EXOC4: variants seen among roughly 807,000 people sequenced by gnomAD.
EXOC4 encodes the protein SEC8-like 1.
Under a neutral mutation model 107.2 loss-of-function variants are expected in EXOC4, and 71 were observed. The observed-to-expected ratio is 0.66, with a 90% confidence interval of 0.55 to 0.81. EXOC4 has a LOEUF of 0.81. Among genes scored for constraint, EXOC4 ranks in the 30% least tolerant of loss-of-function variants. EXOC4 has a pLI of 0.00. For synonymous variants in EXOC4, 456 were observed against 441.2 expected (o/e 1.03, Z -0.42); for missense variants, 1,108 against 1,189.6 (o/e 0.93, Z 1.01).
intron 14 of EXOC4, among the ~76,000 whole-genome samples, chr7:133,987,215 C>G (rs1794135215): frequency 6.6e-6 from 1 of 152,022 alleles, no homozygotes; most frequent in Non-Finnish European, 1.5e-5. Flanking sequence ...AATCCCAGCA[C>G]TTTGGGAAGC....
At chr7:134,095,581 C>T in the EXOC4 span, among the ~76,000 whole-genome samples, 5,569 of 152,124 alleles carry the variant, frequency 0.037, 301 homozygotes, top group African/African-American at 0.12. Context: ...TACTATAAGG[C>T]TGCGGTCACA....
chr7:133,483,998 C>T (rs748988406), intron 9 of EXOC4: 5 of 1,611,194 alleles, frequency 3.1e-6, no homozygotes, highest in Non-Finnish European at 3.4e-6. Context: ...CTTTGCTTCC[C>T]AGTAATTTCG....
At chr7:133,354,580 A>T (rs1302894728) in intron 5 of EXOC4, among the ~76,000 whole-genome samples, 1 of 152,176 alleles carries the variant, frequency 6.6e-6, no homozygotes, top group Non-Finnish European at 1.5e-5. Context: ...TACTTCAGCA[A>T]GAGTAGGAGG....
chr7:133,541,863 G>T (rs868701999), intron 9 of EXOC4, among the ~76,000 whole-genome samples: 1 of 152,038 alleles, frequency 6.6e-6, no homozygotes, highest in Admixed American at 6.6e-5. Context: ...TGGGAAAGAA[G>T]TTTTCCCCAG....
intron 6 of EXOC4, 116 bp from the exon 7 acceptor site, chr7:133,374,712 A>T (rs910939345): frequency 2.5e-6 from 2 of 801,040 alleles, no homozygotes; most frequent in Non-Finnish European, 3.9e-6. Context: ...TCTAACGTTA[A>T]TGCTGTTTAC....
intron 7 of EXOC4, among the ~76,000 whole-genome samples, chr7:133,471,897 G>A (rs960879459): frequency 3.3e-5 from 5 of 152,172 alleles, no homozygotes; most frequent in Admixed American, 1.3e-4. Context: ...ATTGAATGAT[G>A]TAGAAAATGG....
At chr7:133,430,238 C>G (rs1345577981) in intron 7 of EXOC4, among the ~76,000 whole-genome samples, 3 of 152,226 alleles carry the variant, frequency 2.0e-5, no homozygotes, top group African/African-American at 7.2e-5. Context: ...GTTGCTTCTT[C>G]TCTTTTCTCC....
At chr7:133,287,715 G>A (rs1441508724) in intron 2 of EXOC4, among the ~76,000 whole-genome samples, 1 of 152,134 alleles carries the variant, frequency 6.6e-6, no homozygotes, top group African/African-American at 2.4e-5. Context: ...TCATGAAGTC[G>A]TAGGAAGGGA....
At chr7:133,497,936 G>C (rs1799509712) in intron 9 of EXOC4, among the ~76,000 whole-genome samples, 1 of 152,148 alleles carries the variant, frequency 6.6e-6, no homozygotes, top group African/African-American at 2.4e-5. Flanking sequence ...CTGTGTTACT[G>C]TGGGCTTTAT....
chr7:133,667,479 A>G (rs190396513), intron 10 of EXOC4, among the ~76,000 whole-genome samples: 78 of 152,332 alleles, frequency 5.1e-4, no homozygotes, highest in African/African-American at 1.8e-3. Flanking sequence ...GGATAGATAA[A>G]TAAGTTATGG....
intron 1 of EXOC4, among the ~76,000 whole-genome samples, chr7:133,264,836 A>G (rs961828099): frequency 5.9e-5 from 9 of 152,144 alleles, no homozygotes; most frequent in Non-Finnish European, 2.9e-5. Flanking sequence ...ATTCTTAACT[A>G]TCTCTTTTCC....
chr7:133,939,459 T>C (rs1800377982), intron 14 of EXOC4, among the ~76,000 whole-genome samples: 1 of 152,216 alleles, frequency 6.6e-6, no homozygotes, highest in Non-Finnish European at 1.5e-5. Context: ...AGGGAGATCA[T>C]AGAATCTGCA....
chr7:133,724,188 G>C (rs1795167767), intron 10 of EXOC4, among the ~76,000 whole-genome samples: 1 of 152,180 alleles, frequency 6.6e-6, no homozygotes, highest in South Asian at 2.1e-4. Context: ...TGCTAGGTCA[G>C]ATCTGGTTTT....
chr7:133,722,858 G>A (rs1795133192), intron 10 of EXOC4, among the ~76,000 whole-genome samples: 1 of 152,156 alleles, frequency 6.6e-6, no homozygotes, highest in South Asian at 2.1e-4. Flanking sequence ...TTGGATTATT[G>A]CCATGTGGAT....
At chr7:133,475,615 A>G in intron 8 of EXOC4, 142 bp downstream of exon 8, 1 of 731,760 alleles carries the variant, frequency 1.4e-6, no homozygotes, top group East Asian at 2.9e-5. Flanking sequence ...GTTGAGTTTT[A>G]TTTATTTTTG....
Position 133,548,065 on chromosome 7 carries a change from C to A in EXOC4, c.1417+67927C>A, listed in dbSNP as rs193051572. Among the ~76,000 whole-genome samples the A allele has an allele frequency of 2.3e-3, 343 of 152,062 alleles. 2 individuals are homozygous for A. Among genetic ancestry groups the A allele is most frequent in the African/African-American group, 5.6e-3 (230 of 41,394 alleles). On this transcript the variant is annotated intron_variant, in intron 9 of 17. Coordinates refer to ENST00000253861, the MANE Select transcript of EXOC4 (RefSeq NM_021807.4). ...TAGGACTTAAGAATCCAAATGACTC[C>A]TTGATGCACGGGCTGTAGAACAGAT...
downstream of EXOC4, among the ~76,000 whole-genome samples, chr7:134,070,023 A>G (rs1004574679): frequency 6.6e-6 from 1 of 150,596 alleles, no homozygotes; most frequent in African/African-American, 2.5e-5. Context: ...TGTGAAAACA[A>G]GGAGAGTCCT....
At chr7:133,487,630 A>G (rs898965748) in intron 9 of EXOC4, among the ~76,000 whole-genome samples, 2 of 152,000 alleles carry the variant, frequency 1.3e-5, no homozygotes, top group Non-Finnish European at 2.9e-5. Context: ...AATTGCTTGA[A>G]CCTAGGAGGT....
chr7:133,694,292 G>A (rs1292356640), intron 10 of EXOC4, among the ~76,000 whole-genome samples: 4 of 150,476 alleles, frequency 2.7e-5, no homozygotes, highest in Non-Finnish European at 5.9e-5. Context: ...TGTTATAAAT[G>A]CTAAGTCTCA....
Sources: allele counts gnomAD v4.1 joint callset (sites outside exome capture counted in the v4.1 genomes callset), GRCh38; gene constraint gnomAD v4.1.1; transcripts MANE v1.5; gene names NCBI Gene and HGNC (gene_info 2026-07-23, HGNC 2026-07-21).